CSMD2: variants seen among roughly 807,000 people sequenced by gnomAD.
The protein encoded by CSMD2 is CUB and Sushi multiple domains 2.
Under a neutral mutation model 398.5 loss-of-function variants are expected in CSMD2, and 130 were observed. The ratio of observed to expected loss-of-function variants is 0.33; its 90% CI spans 0.28 to 0.38. The LOEUF is 0.38. Ranked by LOEUF, CSMD2 falls within the 10% of genes least tolerant of loss-of-function variation. CSMD2 has a pLI of 1.00. For missense variants in CSMD2, 3,829 were observed against 4,764.9 expected (o/e 0.80, Z 5.78); for synonymous variants, 1,828 against 1,908.5 (o/e 0.96, Z 1.10).
intron 1 of CSMD2, among the ~76,000 whole-genome samples, chr1:34,114,931 A>G (rs1332124407): frequency 1.3e-5 from 2 of 152,168 alleles, no homozygotes; most frequent in Middle Eastern, 3.2e-3. Flanking sequence ...CAGAAATTCT[A>G]GAGCTGAAGA....
intron 9 of CSMD2, among the ~76,000 whole-genome samples, chr1:33,816,325 A>C (rs938936078): frequency 6.6e-6 from 1 of 152,160 alleles, no homozygotes; most frequent in African/African-American, 2.4e-5. Context: ...AAACTCTATC[A>C]ACACCAATTT....
intron 53 of CSMD2, among the ~76,000 whole-genome samples, chr1:33,561,443 C>T (rs113890080): frequency 1.0e-3 from 158 of 152,322 alleles, no homozygotes; most frequent in African/African-American, 3.6e-3. Flanking sequence ...ATATGCATTT[C>T]ACAGGGTTGC....
chr1:33,752,370 GC>G lies in CSMD2; in HGVS notation c.1847-8765del, dbSNP rs201888524. On this transcript the variant is annotated intron_variant, in intron 13 of 70. Coordinates refer to ENST00000373381, the MANE Select transcript of CSMD2 (RefSeq NM_001281956.2). ...AAATCTGGTTTCTTAAGAGTGTGGT[GC>G]CCCCACCCTACCTTGCTCCTACTTT... Among the ~76,000 whole-genome samples the G allele has an allele frequency of 2.8e-3, 432 of 152,182 alleles. 10 individuals are homozygous for G. The highest frequency in any genetic ancestry group is 7.0e-3 in the East Asian group (36 of 5,174).
At chr1:34,123,864 A>G (rs1205512381) in intron 1 of CSMD2, among the ~76,000 whole-genome samples, 1 of 152,214 alleles carries the variant, frequency 6.6e-6, no homozygotes, top group Non-Finnish European at 1.5e-5. Flanking sequence ...TAAGAGACCA[A>G]GTAAGTTGTC....
intron 44 of CSMD2, among the ~76,000 whole-genome samples, chr1:33,589,838 G>A (rs980741785): frequency 6.6e-6 from 1 of 152,086 alleles, no homozygotes; most frequent in African/African-American, 2.4e-5. Context: ...GACCTTAGCC[G>A]TTAATTATAT....
intron 2 of CSMD2, among the ~76,000 whole-genome samples, chr1:34,040,426 T>TTTCTC (rs1651720682): frequency 1.3e-5 from 2 of 152,216 alleles, no homozygotes; most frequent in Admixed American, 1.3e-4. Context: ...TTTCTTTTCT[T>TTTCTC]TACTAGCACT....
chr1:33,777,339 T>C (rs912139298), intron 12 of CSMD2, among the ~76,000 whole-genome samples: 1 of 152,108 alleles, frequency 6.6e-6, no homozygotes, highest in African/African-American at 2.4e-5. Flanking sequence ...GTTTGGGAGC[T>C]CCTTCCAGGA....
At chr1:33,920,384 A>AG (rs1283384331) in intron 4 of CSMD2, among the ~76,000 whole-genome samples, 1 of 151,410 alleles carries the variant, frequency 6.6e-6, no homozygotes, top group East Asian at 1.9e-4. Flanking sequence ...CAAAAAAAAA[A>AG]AAAAAAAGTT....
intron 13 of CSMD2, among the ~76,000 whole-genome samples, chr1:33,768,536 A>G (rs7520454): frequency 0.011 from 1,619 of 142,302 alleles, 94 homozygotes; most frequent in South Asian, 0.026. Context: ...GTGTGCGTGC[A>G]TGTGTGTGTG....
intron 1 of CSMD2, among the ~76,000 whole-genome samples, chr1:34,101,992 G>A (rs1205055992): frequency 1.3e-5 from 2 of 151,134 alleles, no homozygotes; most frequent in Admixed American, 6.6e-5. Context: ...CTGGTTGTGT[G>A]CTTTTTGTTT....
intron 66 of CSMD2, 74 bp from the exon 67 acceptor site, chr1:33,523,493 G>T: frequency 1.4e-6 from 1 of 699,778 alleles, no homozygotes; most frequent in East Asian, 2.7e-5. Context: ...TGGGTTTGTG[G>T]GTGTAAGTTT....
intron 13 of CSMD2, among the ~76,000 whole-genome samples, chr1:33,756,304 T>TA (rs969119207): frequency 1.9e-4 from 29 of 152,236 alleles, no homozygotes; most frequent in African/African-American, 7.0e-4. Context: ...CTAGCTCAAG[T>TA]ATTGATGGAG....
chr1:33,560,899 G>T (rs945503375), intron 53 of CSMD2, among the ~76,000 whole-genome samples: 1 of 152,214 alleles, frequency 6.6e-6, no homozygotes, highest in African/African-American at 2.4e-5. Flanking sequence ...GTGCATGAAT[G>T]GATGGATGCC....
chr1:33,619,708 T>A (rs1641640822), intron 37 of CSMD2, among the ~76,000 whole-genome samples: 1 of 152,168 alleles, frequency 6.6e-6, no homozygotes, highest in Non-Finnish European at 1.5e-5. Flanking sequence ...TCCCAGGCAA[T>A]TCCTGTCCCA....
chr1:33,779,077 A>T (rs1652365959), intron 12 of CSMD2, among the ~76,000 whole-genome samples: 1 of 152,152 alleles, frequency 6.6e-6, no homozygotes, highest in Non-Finnish European at 1.5e-5. Flanking sequence ...GGAGCACAAG[A>T]TCACTCAGAA....
intron 2 of CSMD2, among the ~76,000 whole-genome samples, chr1:34,081,264 A>G (rs1657074641): frequency 6.6e-6 from 1 of 152,138 alleles, no homozygotes; most frequent in Non-Finnish European, 1.5e-5. Context: ...CCCCCAGAGT[A>G]GCACCATTCC....
chr1:33,836,721 A>G (rs1660314884), intron 6 of CSMD2, among the ~76,000 whole-genome samples: 1 of 152,188 alleles, frequency 6.6e-6, no homozygotes, highest in Non-Finnish European at 1.5e-5. Flanking sequence ...AAAGCACATT[A>G]TTAGGGTGGG....
chr1:33,891,203 GA>G lies in CSMD2; in HGVS notation c.920+26890del, dbSNP rs201326020. Among the ~76,000 whole-genome samples the G allele has an allele frequency of 3.8e-3, 550 of 144,840 alleles. 3 individuals carry two copies. The highest frequency in any genetic ancestry group is 0.013 in the African/African-American group (526 of 39,836). On this transcript the variant is annotated intron_variant, in intron 5 of 70. Transcript: ENST00000373381. ...ACAATGAACTCAAACAAATTTACAA[GA>G]AAAAAAAAACAACCCCATCAAAAAG...
chr1:33,587,237 T>C, intron 44 of CSMD2, 69 bp from the exon 45 acceptor site: 1 of 1,154,318 alleles, frequency 8.7e-7, no homozygotes, highest in Non-Finnish European at 1.2e-6. Flanking sequence ...ATTCATTTGT[T>C]CAATTCTTCA....
Sources: allele counts gnomAD v4.1 joint callset (sites outside exome capture counted in the v4.1 genomes callset), GRCh38; gene constraint gnomAD v4.1.1; transcripts MANE v1.5; gene names NCBI Gene and HGNC (gene_info 2026-07-23, HGNC 2026-07-21).